LRRC37A: variants seen among roughly 807,000 people sequenced by gnomAD.
LRRC37A encodes the protein leucine-rich repeat-containing protein 37A.
LRRC37A carries 3 observed loss-of-function variants against 35.4 expected under a neutral mutation model. That is an observed-to-expected ratio of 0.08 (90% confidence interval 0.04 to 0.22). The LOEUF is 0.22. Ranked by LOEUF, LRRC37A falls within the 10% of genes least tolerant of loss-of-function variation. LRRC37A has a pLI of 1.00. For missense variants in LRRC37A, 67 were observed against 565.3 expected (o/e 0.12, Z 8.94); for synonymous variants, 23 against 215.0 (o/e 0.11, Z 7.81).
the LRRC37A span, among the ~76,000 whole-genome samples, chr17:46,271,332 A>ATTT: frequency 0.078 from 9,657 of 124,332 alleles, 343 homozygotes; most frequent in East Asian, 0.23. Flanking sequence ...TACCTAGCTA[A>ATTT]TTTTTTTTTT....
At chr17:46,257,845 C>T in the LRRC37A span, among the ~76,000 whole-genome samples, 3 of 151,700 alleles carry the variant, frequency 2.0e-5, no homozygotes, top group Non-Finnish European at 4.4e-5. Flanking sequence ...TGATCCCCAA[C>T]ATTTAGCAGC....
At chr17:46,256,997 C>T in the LRRC37A span, among the ~76,000 whole-genome samples, 2 of 152,238 alleles carry the variant, frequency 1.3e-5, no homozygotes, top group Admixed American at 6.5e-5. Context: ...TTTCTTTCAA[C>T]CTTATATTAA....
chr17:46,267,472 C>G, the LRRC37A span: 1 of 1,611,134 alleles, frequency 6.2e-7, no homozygotes, highest in Non-Finnish European at 8.5e-7. Context: ...ACATGTTAGT[C>G]CTGGACTCCT....
the LRRC37A span, among the ~76,000 whole-genome samples, chr17:46,265,147 T>C: frequency 0.13 from 19,003 of 151,292 alleles, no homozygotes; most frequent in Middle Eastern, 0.19. Context: ...AGATAATTCA[T>C]TCCTCCAACA....
chr17:46,259,079 C>T, the LRRC37A span, among the ~76,000 whole-genome samples: 2 of 115,626 alleles, frequency 1.7e-5, no homozygotes, highest in Non-Finnish European at 3.3e-5. Context: ...AACATAAATA[C>T]AACCAGCATA....
chr17:46,290,701 C>T (rs2050043250), upstream of LRRC37A, among the ~76,000 whole-genome samples: 4 of 152,256 alleles, frequency 2.6e-5, no homozygotes, highest in Admixed American at 2.6e-4. Flanking sequence ...TTCACCTCAG[C>T]CTCCCAAAGT....
At chr17:46,317,127 T>A (rs1362472301) in intron 5 of LRRC37A, among the ~76,000 whole-genome samples, 1 of 88,156 alleles carries the variant, frequency 1.1e-5, no homozygotes, top group Non-Finnish European at 3.4e-5. Flanking sequence ...AGCTGTTGGG[T>A]ACACCTCCCA....
the LRRC37A span, chr17:46,268,357 T>C: frequency 1.5e-6 from 1 of 666,546 alleles, no homozygotes; most frequent in Non-Finnish European, 2.1e-6. Flanking sequence ...CTAGACTGTT[T>C]CCACCTTGCC....
chr17:46,275,211 C>T, the LRRC37A span: 3 of 344,282 alleles, frequency 8.7e-6, no homozygotes, highest in Non-Finnish European at 1.5e-5. Flanking sequence ...TTTTCTTGTC[C>T]ATTGGACAAA....
At position 46,315,294 on chromosome 17, in the gene LRRC37A, G is replaced by A. The variant is rs1433653348; in HGVS notation, c.2907-7028G>A. Among the ~76,000 whole-genome samples, 20 of 86,448 alleles carry A rather than the reference G, an allele frequency of 2.3e-4. 8 individuals carry two copies. Among genetic ancestry groups the A allele is most frequent in the Non-Finnish European group, 5.4e-4 (17 of 31,524 alleles). 56.7% of individuals were successfully genotyped at this position (86,448 alleles called of 152,430 possible). A position where few individuals can be genotyped will look rare whatever the true frequency, so the allele number is the denominator to read the frequency against. On this transcript the variant is annotated intron_variant, in intron 5 of 13. Transcript: ENST00000320254. ...CATCCTAGCACTTTGGGAGGCTGCG[G>A]TGGGAGGATTGCTTGACCCCAGGAG...
At chr17:46,252,539 T>G in the LRRC37A span, among the ~76,000 whole-genome samples, 4 of 149,086 alleles carry the variant, frequency 2.7e-5, no homozygotes, top group African/African-American at 9.7e-5. Flanking sequence ...AGTCTTTGTG[T>G]CCCTGGGTAC....
chr17:46,286,071 C>T, the LRRC37A span, among the ~76,000 whole-genome samples: 1 of 152,062 alleles, frequency 6.6e-6, no homozygotes, highest in African/African-American at 2.4e-5. Flanking sequence ...ATTCTGACAC[C>T]GATCATGGCC....
At chr17:46,263,466 G>A in the LRRC37A span, among the ~76,000 whole-genome samples, 1 of 148,224 alleles carries the variant, frequency 6.7e-6, no homozygotes, top group Non-Finnish European at 1.5e-5. Context: ...CAGGAGAATC[G>A]ATTGAACCCA....
chr17:46,316,675 G>C (rs1322867062), intron 5 of LRRC37A, among the ~76,000 whole-genome samples: 1 of 61,072 alleles, frequency 1.6e-5, no homozygotes, highest in East Asian at 3.2e-4. Flanking sequence ...GGATTTGGCA[G>C]GGTCATAGGA....
At chr17:46,264,400 A>G in the LRRC37A span, among the ~76,000 whole-genome samples, 1 of 152,228 alleles carries the variant, frequency 6.6e-6, no homozygotes, top group Non-Finnish European at 1.5e-5. Flanking sequence ...ACAGGTATAC[A>G]CACCTATTGT....
chr17:46,253,241 A>G, the LRRC37A span, among the ~76,000 whole-genome samples: 1 of 144,658 alleles, frequency 6.9e-6, no homozygotes, highest in African/African-American at 2.6e-5. Flanking sequence ...GCGGCCGGGC[A>G]GAGACGCTCC....
the LRRC37A span, among the ~76,000 whole-genome samples, chr17:46,262,923 A>G: frequency 6.8e-4 from 104 of 152,340 alleles, no homozygotes; most frequent in Non-Finnish European, 1.2e-3. Context: ...TCCTAGAGTA[A>G]CAAGGAAATC....
the LRRC37A span, among the ~76,000 whole-genome samples, chr17:46,285,129 A>G: frequency 6.6e-6 from 1 of 152,194 alleles, no homozygotes; most frequent in African/African-American, 2.4e-5. Context: ...TTGGCCTCCC[A>G]AAGTGCTGGG....
chr17:46,278,332 C>T, the LRRC37A span, among the ~76,000 whole-genome samples: 1 of 152,140 alleles, frequency 6.6e-6, no homozygotes, highest in Non-Finnish European at 1.5e-5. Flanking sequence ...GCTCACTTAA[C>T]CATTTTCCCA....
Sources: allele counts gnomAD v4.1 joint callset (sites outside exome capture counted in the v4.1 genomes callset), GRCh38; gene constraint gnomAD v4.1.1; transcripts MANE v1.5; gene names NCBI Gene and HGNC (gene_info 2026-07-23, HGNC 2026-07-21).